Variants in ZNHIT3 observed in about 807,000 individuals in gnomAD.
ZNHIT3 encodes zinc finger HIT domain-containing protein 3.
Under a neutral mutation model 19.9 loss-of-function variants are expected in ZNHIT3, and 27 were observed. The observed-to-expected ratio is 1.36, with a 90% confidence interval of 1.00 to 1.87. ZNHIT3 has a LOEUF of 1.87. Among genes scored for constraint, ZNHIT3 ranks in the 40% most tolerant of loss-of-function variants. ZNHIT3 has a pLI of 0.00. For synonymous variants in ZNHIT3, 81 were observed against 65.7 expected (o/e 1.23, Z -1.13); for missense variants, 215 against 185.6 (o/e 1.16, Z -0.92).
intron 2 of ZNHIT3, 60 bp downstream of exon 2, chr17:36,487,026 C>T (rs2070577877): frequency 2.5e-6 from 4 of 1,596,254 alleles, no homozygotes; most frequent in Non-Finnish European, 3.4e-6. Context: ...CCACGTCCAG[C>T]CTCCGTCTTG....
At chr17:36,486,827 G>A (rs759051840) in intron 1 of ZNHIT3, 42 bp downstream of exon 1, 10 of 1,535,780 alleles carry the variant, frequency 6.5e-6, no homozygotes, top group Non-Finnish European at 8.9e-6. Context: ...CGGGTGTCCG[G>A]CCATGGCGGG....
chr17:36,498,380 C>T (rs1455048139), downstream of ZNHIT3: 3 of 1,613,922 alleles, frequency 1.9e-6, no homozygotes, highest in Non-Finnish European at 2.5e-6. Flanking sequence ...CTAATTTCCT[C>T]TGAAAGCTGC....
intron 4 of ZNHIT3, among the ~76,000 whole-genome samples, chr17:36,494,899 G>C (rs572776671): frequency 8.5e-5 from 13 of 152,240 alleles, no homozygotes; most frequent in South Asian, 4.1e-4. Flanking sequence ...TTTTTTCTTA[G>C]CTGAAGTGGC....
At chr17:36,489,184 C>T (rs557119107) in intron 2 of ZNHIT3, 2 of 152,322 alleles carry the variant, frequency 1.3e-5, no homozygotes, top group East Asian at 3.9e-4. Flanking sequence ...TACCGCATTT[C>T]TTTATCCATC....
At chr17:36,492,063 A>T (rs2070739200) in intron 2 of ZNHIT3, 1 of 152,262 alleles carries the variant, frequency 6.6e-6, no homozygotes, top group Non-Finnish European at 1.5e-5. Context: ...TGTAACTGCC[A>T]CCTACATGAC....
chr17:36,493,069 T>A, intron 3 of ZNHIT3, 170 bp downstream of exon 3: 1 of 649,962 alleles, frequency 1.5e-6, no homozygotes. Flanking sequence ...ATGGGTGATA[T>A]TGAGGCAACA....
Position 36,495,809 on chromosome 17 carries a change from A to T in ZNHIT3, c.*405A>T. On this transcript the variant is annotated 3_prime_UTR_variant, in exon 5 of 5. Transcript: ENST00000617429. The stretch of plus-strand genomic sequence containing the variant: ...TGAAATTACATTAAATAAATCAACT[A>T]ATTAAATACTAAAGTTTTGTTCCTT... 8.1e-7 allele frequency: 1 copy of T among 1,241,012 alleles called. No homozygotes were observed. The highest frequency in any genetic ancestry group is 1.0e-6 in the Non-Finnish European group (1 of 992,962). The allele number at this position is 1,241,012 out of a possible 1,614,324, so 76.9% of individuals were successfully genotyped here.
chr17:36,493,104 G>C lies in ZNHIT3; in HGVS notation c.205+205G>C, dbSNP rs556347728. The C allele has an allele frequency of 5.0e-6, 3 of 600,892 alleles. No individual in the cohort carries two copies. In the African/African-American group the frequency reaches 5.6e-5, roughly 11 times the overall value. The allele number at this position is 600,892 out of a possible 1,614,324, so 37.2% of individuals were successfully genotyped here. A position where few individuals can be genotyped will look rare whatever the true frequency, so the allele number is the denominator to read the frequency against. ...AGCCTGAAAGCAGTATTCAGGAGAAGAAAAATGGGCAGAAGACAGAGATGA... is the reference window on the plus strand; with the variant it reads ...AGCCTGAAAGCAGTATTCAGGAGAACAAAAATGGGCAGAAGACAGAGATGA... On this transcript the variant is annotated intron_variant, in intron 3 of 4. Coordinates refer to ENST00000617429, the MANE Select transcript of ZNHIT3 (RefSeq NM_004773.4).
intron 4 of ZNHIT3, 146 bp downstream of exon 4, chr17:36,494,152 G>A: frequency 3.2e-6 from 2 of 622,880 alleles, no homozygotes; most frequent in Admixed American, 2.9e-5. Flanking sequence ...AACATACAGG[G>A]TTTCACACCT....
chr17:36,492,967 G>C, intron 3 of ZNHIT3, 68 bp downstream of exon 3: 1 of 1,431,578 alleles, frequency 7.0e-7, no homozygotes, highest in African/African-American at 1.4e-5. Flanking sequence ...GAAAAGGGGA[G>C]AGTGGGGCTG....
downstream of ZNHIT3, among the ~76,000 whole-genome samples, chr17:36,497,058 G>A (rs544640886): frequency 2.6e-5 from 4 of 152,136 alleles, no homozygotes; most frequent in East Asian, 1.9e-4. Flanking sequence ...AGCTGGGCAC[G>A]GTGGCTCACA....
chr17:36,489,968 C>T (rs537708716), intron 2 of ZNHIT3: 74 of 142,842 alleles, frequency 5.2e-4, no homozygotes, highest in African/African-American at 1.9e-3. Context: ...CTGTTGAGCT[C>T]CTTGTGTATT....
downstream of ZNHIT3, chr17:36,497,851 C>T (rs1360365860): frequency 5.9e-6 from 1 of 170,410 alleles, no homozygotes; most frequent in Non-Finnish European, 1.3e-5. Flanking sequence ...TCCCAAAGTA[C>T]TGGGATTATA....
At chr17:36,492,961 A>G (rs1374832586) in intron 3 of ZNHIT3, 62 bp downstream of exon 3, 3 of 1,462,134 alleles carry the variant, frequency 2.1e-6, no homozygotes, top group Non-Finnish European at 2.9e-6. Flanking sequence ...TCGAAGGAAA[A>G]GGGGAGAGTG....
At chr17:36,498,753 G>A (rs2071231698), downstream of ZNHIT3, 4 of 621,970 alleles carry the variant, frequency 6.4e-6, no homozygotes, top group East Asian at 1.1e-4. Context: ...CTGTGCTTAG[G>A]CCTTACATAT....
In ZNHIT3 at chr17:36,493,937, T is replaced by C. The variant is rs2070792206; in HGVS notation, c.217T>C (p.Ser73Pro). ...TTTGTATTCCTTAGATGATGATGAC[T>C]CTATAGCTGATTTTCTCAATAGTGA... ...KPVENKDDDDSIADFLNSDEE... is the reference protein window; with the variant it reads ...KPVENKDDDDPIADFLNSDEE... The change falls in exon 4 of 5, where the codon TCT becomes CCT. Residue 73 changes from serine (S) to proline (P), a missense_variant. Ser to Pro is a moderately conservative substitution (Grantham distance 74). Transcript: ENST00000617429. The C allele has an allele frequency of 6.2e-7, 1 of 1,613,408 alleles. No homozygotes were observed. Among genetic ancestry groups the C allele is most frequent in the Non-Finnish European group, 8.5e-7 (1 of 1,179,402 alleles).
rs776529027 is a variant in ZNHIT3, at chr17:36,494,024, T to A, written c.286+18T>A. ...GAATTTAGGTAAGTCTGTGCTATGC[T>A]TGTCAATCGTTGAGATACATTTACT... On this transcript the variant is annotated intron_variant, in intron 4 of 4. Transcript: ENST00000617429. 6.4e-7 allele frequency: 1 copy of A among 1,564,596 alleles called. No individual in the cohort carries two copies. The highest frequency in any genetic ancestry group is 8.8e-7 in the Non-Finnish European group (1 of 1,137,310).
chr17:36,494,122 A>G (rs114758453), intron 4 of ZNHIT3, 116 bp downstream of exon 4: 31,211 of 706,308 alleles, frequency 0.044, 1,230 homozygotes, highest in African/African-American at 0.16. Flanking sequence ...GGCTCTTACT[A>G]TCTAGCCACA....
chr17:36,495,249 T>A lies in ZNHIT3; in HGVS notation c.313T>A (p.Leu105Met). 1 of 1,590,418 alleles carries A rather than the reference T, an allele frequency of 6.3e-7. No homozygotes were observed. Among genetic ancestry groups the A allele is most frequent in the Non-Finnish European group, 8.5e-7 (1 of 1,173,298 alleles). Reference protein sequence around the residue: ...LGESATLRSLLLNPHLRQLMV... With the variant: ...LGESATLRSLMLNPHLRQLMV... Reference sequence around the variant, plus strand: ...GGAATCTGCAACATTAAGAAGCTTATTGCTCAATCCACACCTCAGGCAGTT... The same window carrying A: ...GGAATCTGCAACATTAAGAAGCTTAATGCTCAATCCACACCTCAGGCAGTT... The change falls in exon 5 of 5, where the codon TTG becomes ATG. Residue 105 changes from leucine (L) to methionine (M), a missense_variant. Leu to Met is a conservative substitution (Grantham distance 15). Transcript: ENST00000617429.
Sources: allele counts gnomAD v4.1 joint callset (sites outside exome capture counted in the v4.1 genomes callset), GRCh38; gene constraint gnomAD v4.1.1; transcripts MANE v1.5; gene names NCBI Gene and HGNC (gene_info 2026-07-23, HGNC 2026-07-21).